The following RASAL2 variants were observed in gnomAD, a reference collection of about 807,000 sequenced individuals.
The protein encoded by RASAL2 is RAS protein activator like 2, also known as ras GTPase-activating protein nGAP.
A neutral mutation model predicts 128.9 loss-of-function variants in RASAL2; 58 were observed. That is an observed-to-expected ratio of 0.45 (90% CI 0.36 to 0.56). The LOEUF (loss-of-function observed/expected upper bound fraction) is 0.56. RASAL2 is among the 20% of genes least tolerant of loss of function. The pLI is 0.00. For synonymous variants in RASAL2, 561 were observed against 580.8 expected (o/e 0.97, Z 0.49); for missense variants, 1,360 against 1,601.6 (o/e 0.85, Z 2.57).
At chr1:178,242,455 CTCTCTCTCTCTCTCTCTCTCTCTCTCTT>C (rs1558135862) in intron 1 of RASAL2, among the ~76,000 whole-genome samples, 2 of 126,446 alleles carry the variant, frequency 1.6e-5, no homozygotes, top group African/African-American at 6.3e-5. Flanking sequence ...CTCTCTCTCT[CTCTCTCTCTCTCTCTCTCTCTCTCTCTT>C]TCATCTCTCT....
intron 1 of RASAL2, among the ~76,000 whole-genome samples, chr1:178,209,767 T>C (rs537781824): frequency 6.6e-6 from 1 of 152,226 alleles, no homozygotes; most frequent in East Asian, 1.9e-4. Context: ...CATTATCTGA[T>C]TAATATATAC....
At chr1:178,128,494 G>T (rs1369809792) in intron 1 of RASAL2, among the ~76,000 whole-genome samples, 1 of 152,042 alleles carries the variant, frequency 6.6e-6, no homozygotes, top group Non-Finnish European at 1.5e-5. Flanking sequence ...GTTTTTATTT[G>T]AAACAATAAT....
At position 178,094,701 on chromosome 1, in the gene RASAL2, A is replaced by G; in HGVS notation, c.202+7A>G. On this transcript the variant is annotated splice_region_variant and intron_variant, in intron 1 of 17. Coordinates refer to ENST00000367649, the MANE Select transcript of RASAL2 (RefSeq NM_170692.4). ...AGCTGGGTCCGGGTGTACGGTAAGGACCACAGGCCGTCTTAGAGGCTGGTG... is the reference window on the plus strand; with the variant it reads ...AGCTGGGTCCGGGTGTACGGTAAGGGCCACAGGCCGTCTTAGAGGCTGGTG... The G allele has an allele frequency of 6.2e-7, 1 of 1,613,872 alleles. No homozygotes were observed. Among genetic ancestry groups the G allele is most frequent in the Admixed American group, 1.7e-5 (1 of 60,024 alleles).
intron 1 of RASAL2, among the ~76,000 whole-genome samples, chr1:178,115,501 T>G (rs751067283): frequency 6.6e-6 from 1 of 151,880 alleles, no homozygotes; most frequent in Admixed American, 6.6e-5. Context: ...GTAGTGGGAG[T>G]TAGTAGTGGG....
intron 1 of RASAL2, among the ~76,000 whole-genome samples, chr1:178,186,309 G>A (rs1334217392): frequency 2.7e-5 from 4 of 148,108 alleles, no homozygotes; most frequent in Admixed American, 1.3e-4. Context: ...CTATTTTGTT[G>A]ATCTATTCAA....
At chr1:178,422,833 T>C (rs1215189712) in intron 5 of RASAL2, among the ~76,000 whole-genome samples, 2 of 152,120 alleles carry the variant, frequency 1.3e-5, no homozygotes, top group East Asian at 1.9e-4. Flanking sequence ...CAGCTCCTTT[T>C]TTTTCCATTT....
intron 1 of RASAL2, among the ~76,000 whole-genome samples, chr1:178,175,481 G>A (rs1661853709): frequency 9.3e-6 from 1 of 107,616 alleles, no homozygotes; most frequent in South Asian, 3.1e-4. Context: ...TGATAACTAT[G>A]CCCTTTTTTC....
chr1:178,212,237 G>T (rs1470737624), intron 1 of RASAL2, among the ~76,000 whole-genome samples: 1 of 152,116 alleles, frequency 6.6e-6, no homozygotes, highest in African/African-American at 2.4e-5. Flanking sequence ...TCCATTACAA[G>T]GCAGTATGCA....
rs117864983 is a variant in RASAL2, at chr1:178,350,867, A to G, written c.458-39233A>G. 3.3e-5 allele frequency among the ~76,000 whole-genome samples: 5 copies of G among 152,310 alleles called. No individual in the cohort carries two copies. In the East Asian group the frequency reaches 9.6e-4, roughly 29 times the overall value. On this transcript the variant is annotated intron_variant, in intron 3 of 17. Coordinates refer to ENST00000367649, the MANE Select transcript of RASAL2 (RefSeq NM_170692.4). ...TGTATTAGTTCATTCTTGCATTGCT[A>G]CAAAGAAATACCTGAGACTGGGTAA...
intron 1 of RASAL2, among the ~76,000 whole-genome samples, chr1:178,176,551 G>A (rs1661899633): frequency 6.6e-6 from 1 of 151,216 alleles, no homozygotes; most frequent in Admixed American, 6.6e-5. Flanking sequence ...CTTAATACTT[G>A]CTTTGGACAG....
chr1:178,212,438 C>T (rs774196881), intron 1 of RASAL2, among the ~76,000 whole-genome samples: 24 of 152,200 alleles, frequency 1.6e-4, no homozygotes, highest in Non-Finnish European at 2.2e-4. Context: ...TGGTAAGAGG[C>T]GGCAGTATAA....
chr1:178,264,227 C>CTTAG (rs1665832921), intron 1 of RASAL2, among the ~76,000 whole-genome samples: 1 of 152,196 alleles, frequency 6.6e-6, no homozygotes, highest in Admixed American at 6.5e-5. Context: ...CCTATCTCTA[C>CTTAG]CCGTTGCCTC....
chr1:178,317,340 T>A (rs895328886), intron 3 of RASAL2, among the ~76,000 whole-genome samples: 2 of 147,138 alleles, frequency 1.4e-5, no homozygotes, highest in African/African-American at 5.2e-5. Flanking sequence ...TCTTTTTCTA[T>A]TGATTGGAAT....
At chr1:178,410,175 A>G (rs1297528683) in intron 4 of RASAL2, among the ~76,000 whole-genome samples, 4 of 152,156 alleles carry the variant, frequency 2.6e-5, no homozygotes, top group Non-Finnish European at 5.9e-5. Context: ...TGAAGAGTAG[A>G]TTAATGTGGA....
intron 11 of RASAL2, among the ~76,000 whole-genome samples, chr1:178,453,160 A>G (rs1292848922): frequency 2.0e-5 from 3 of 152,130 alleles, no homozygotes; most frequent in Non-Finnish European, 4.4e-5. Context: ...AAAAGAGATT[A>G]AATGCAATAC....
chr1:178,421,355 C>T (rs1675129778), intron 5 of RASAL2, among the ~76,000 whole-genome samples: 1 of 152,092 alleles, frequency 6.6e-6, no homozygotes, highest in Non-Finnish European at 1.5e-5. Context: ...ACATTTTTGA[C>T]ACATCATGTC....
At chr1:178,341,209 A>G (rs1230154991) in intron 3 of RASAL2, among the ~76,000 whole-genome samples, 4 of 152,230 alleles carry the variant, frequency 2.6e-5, no homozygotes, top group African/African-American at 9.6e-5. Flanking sequence ...CACTTCTTAA[A>G]GTGCACAGAT....
chr1:178,155,446 G>A (rs1331443843), intron 1 of RASAL2, among the ~76,000 whole-genome samples: 2 of 140,042 alleles, frequency 1.4e-5, no homozygotes, highest in African/African-American at 5.3e-5. Context: ...AGCTCACTCA[G>A]TACATTATAA....
At chr1:178,300,634 C>G (rs572856388) in intron 3 of RASAL2, among the ~76,000 whole-genome samples, 1 of 152,112 alleles carries the variant, frequency 6.6e-6, no homozygotes, top group Non-Finnish European at 1.5e-5. Context: ...AGGGAGAAAT[C>G]CTACTTCCAT....
Sources: gnomAD v4.1 joint callset for allele counts (sites outside exome capture counted in the v4.1 genomes callset) on GRCh38, gnomAD v4.1.1 for gene constraint, MANE v1.5 for transcripts, NCBI Gene and HGNC (gene_info 2026-07-23, HGNC 2026-07-21) for gene names.